ARHGAP44: variants seen among roughly 807,000 people sequenced by gnomAD.
The protein encoded by ARHGAP44 is rho GTPase-activating protein 44.
In ARHGAP44, 43 loss-of-function variants were observed where a neutral mutation model predicts 106.8. That is an observed-to-expected ratio of 0.40 (90% CI 0.32 to 0.52). The LOEUF (loss-of-function observed/expected upper bound fraction) is 0.52, where lower values mean the gene tolerates loss of function less well. Among genes scored for constraint, ARHGAP44 ranks in the 20% least tolerant of loss-of-function variants. The pLI, the probability that ARHGAP44 is intolerant of heterozygous loss-of-function variation, is 0.48. For missense variants in ARHGAP44, 866 were observed against 1,050.5 expected (o/e 0.82, Z 2.43); for synonymous variants, 439 against 410.3 (o/e 1.07, Z -0.85).
Position 12,990,227 on chromosome 17 carries a change from C to G in ARHGAP44, c.*56C>G, listed in dbSNP as rs1032764128. The stretch of plus-strand genomic sequence containing the variant: ...CATACATCACGGGCCCTAGGAACGC[C>G]GCCAGGAGCAGCGTCCATGAGCTTG... On this transcript the variant is annotated 3_prime_UTR_variant, in exon 21 of 21. Transcript: ENST00000379672. The G allele has an allele frequency of 6.4e-7, 1 of 1,567,972 alleles. No individual in the cohort carries two copies. Among genetic ancestry groups the G allele is most frequent in the Non-Finnish European group, 8.7e-7 (1 of 1,147,714 alleles).
chr17:12,917,070 C>G (rs1407898637), intron 5 of ARHGAP44, among the ~76,000 whole-genome samples: 2 of 152,198 alleles, frequency 1.3e-5, no homozygotes. Context: ...CCAAATATTT[C>G]TGGTCCCAAG....
chr17:12,878,032 C>G (rs1666926922), intron 1 of ARHGAP44, among the ~76,000 whole-genome samples: 1 of 152,190 alleles, frequency 6.6e-6, no homozygotes, highest in Non-Finnish European at 1.5e-5. Flanking sequence ...TGGTGTTCAT[C>G]CACACCTCAG....
intron 1 of ARHGAP44, among the ~76,000 whole-genome samples, chr17:12,858,622 A>G (rs1383375649): frequency 1.3e-5 from 2 of 152,180 alleles, no homozygotes; most frequent in Admixed American, 6.5e-5. Flanking sequence ...GCTGAATTGT[A>G]TCTCCCCTAG....
intron 16 of ARHGAP44, among the ~76,000 whole-genome samples, chr17:12,959,700 G>A (rs113798060): frequency 2.4e-4 from 36 of 152,234 alleles, no homozygotes; most frequent in African/African-American, 8.4e-4. Flanking sequence ...GGAGGGGATC[G>A]TCTTGGTTGG....
chr17:12,982,818 T>C (rs1259410983), intron 19 of ARHGAP44: 3 of 152,140 alleles, frequency 2.0e-5, no homozygotes, highest in Non-Finnish European at 4.4e-5. Flanking sequence ...GGGCATGTCC[T>C]TCTGTCCACA....
At chr17:12,989,569 TTC>T (rs1469673029) in intron 20 of ARHGAP44, among the ~76,000 whole-genome samples, 1 of 152,168 alleles carries the variant, frequency 6.6e-6, no homozygotes, top group Non-Finnish European at 1.5e-5. Context: ...ATGCAGCTGT[TTC>T]TTAGAGTGAG....
At chr17:12,929,109 T>A in intron 7 of ARHGAP44, 63 bp downstream of exon 7, 1 of 1,439,934 alleles carries the variant, frequency 6.9e-7, no homozygotes. Flanking sequence ...GATTCCCTTT[T>A]TGTTCACTGG....
At position 12,991,259 on chromosome 17, in the gene ARHGAP44, T is replaced by C. The variant is rs568321673; in HGVS notation, c.*1088T>C. Reference sequence around the variant, plus strand: ...GGGGAGTGAGAAAAGATTTGGGCCATGCATGCAAAGTCAAAGTTTAAAATT... The same window carrying C: ...GGGGAGTGAGAAAAGATTTGGGCCACGCATGCAAAGTCAAAGTTTAAAATT... On this transcript the variant is annotated 3_prime_UTR_variant, in exon 21 of 21. Coordinates refer to ENST00000379672, the MANE Select transcript of ARHGAP44 (RefSeq NM_014859.6). 6.9e-4 allele frequency: 105 copies of C among 152,758 alleles called. No homozygotes were observed. Among genetic ancestry groups the C allele is most frequent in the African/African-American group, 2.5e-3 (103 of 41,574 alleles). 9.5% of individuals were successfully genotyped at this position (152,758 alleles called of 1,614,324 possible). A position where few individuals can be genotyped will look rare whatever the true frequency, so the allele number is the denominator to read the frequency against.
chr17:12,877,712 TGCACCCCA>T (rs1214755851), intron 1 of ARHGAP44, among the ~76,000 whole-genome samples: 2 of 151,300 alleles, frequency 1.3e-5, no homozygotes, highest in Admixed American at 1.3e-4. Context: ...ATCGCGCCAC[TGCACCCCA>T]GCCTGGGTGA....
chr17:12,978,258 C>G (rs1567721257), intron 18 of ARHGAP44, among the ~76,000 whole-genome samples: 1 of 152,134 alleles, frequency 6.6e-6, no homozygotes, highest in Non-Finnish European at 1.5e-5. Context: ...AGATATTTGG[C>G]ATTGATGCCC....
At chr17:12,814,983 C>T (rs2034555515) in intron 1 of ARHGAP44, among the ~76,000 whole-genome samples, 1 of 152,172 alleles carries the variant, frequency 6.6e-6, no homozygotes, top group African/African-American at 2.4e-5. Context: ...TCCCGACTCT[C>T]CTCACCTTCT....
chr17:12,909,966 G>A (rs1245836411), intron 4 of ARHGAP44, among the ~76,000 whole-genome samples: 2 of 152,124 alleles, frequency 1.3e-5, no homozygotes, highest in Non-Finnish European at 2.9e-5. Context: ...CTATAAAATA[G>A]CAATTAAACT....
chr17:12,929,169 C>G, intron 7 of ARHGAP44, 123 bp downstream of exon 7: 2 of 884,700 alleles, frequency 2.3e-6, no homozygotes, highest in Non-Finnish European at 3.5e-6. Context: ...TGAATGTCCC[C>G]AAGCCCGCCG....
At chr17:12,793,028 C>T (rs529797352) in intron 1 of ARHGAP44, among the ~76,000 whole-genome samples, 1 of 152,344 alleles carries the variant, frequency 6.6e-6, no homozygotes, top group South Asian at 2.1e-4. Context: ...GAAGCACTCC[C>T]TGGCCACTGT....
chr17:12,867,861 G>A (rs745525031), intron 1 of ARHGAP44, among the ~76,000 whole-genome samples: 2 of 152,164 alleles, frequency 1.3e-5, no homozygotes, highest in African/African-American at 2.4e-5. Context: ...AGCACCTAAC[G>A]TATAAGAAAC....
At chr17:12,801,157 T>A (rs1305086864) in intron 1 of ARHGAP44, among the ~76,000 whole-genome samples, 1 of 152,250 alleles carries the variant, frequency 6.6e-6, no homozygotes, top group African/African-American at 2.4e-5. Context: ...TGTAACACAT[T>A]AACCAAACAA....
At position 12,876,909 on chromosome 17, in the gene ARHGAP44, CAA is replaced by C. The variant is rs59331390; in HGVS notation, c.54-18013_54-18012del. 3.6e-3 allele frequency among the ~76,000 whole-genome samples: 327 copies of C among 90,660 alleles called. 1 individual carries two copies. The highest frequency in any genetic ancestry group is 9.5e-3 in the African/African-American group (243 of 25,556). The allele number at this position is 90,660 out of a possible 152,430, so 59.5% of individuals were successfully genotyped here. On this transcript the variant is annotated intron_variant, in intron 1 of 20. Transcript: ENST00000379672. ...CTGGTGACAGAGTGAGACTCCGTCT[CAA>C]AAAAAAAAAAAAAAAAAGAAGAAAA...
chr17:12,873,599 G>T (rs2036463730), intron 1 of ARHGAP44, among the ~76,000 whole-genome samples: 1 of 152,190 alleles, frequency 6.6e-6, no homozygotes, highest in Non-Finnish European at 1.5e-5. Flanking sequence ...GAAACCACCA[G>T]CTGGGCGCAA....
chr17:12,802,674 C>T (rs1008764954), intron 1 of ARHGAP44, among the ~76,000 whole-genome samples: 5 of 151,544 alleles, frequency 3.3e-5, no homozygotes, highest in Non-Finnish European at 5.9e-5. Flanking sequence ...AAAGACCCCA[C>T]CTTGATCGAT....
Sources: gnomAD v4.1 joint callset for allele counts (sites outside exome capture counted in the v4.1 genomes callset) on GRCh38, gnomAD v4.1.1 for gene constraint, MANE v1.5 for transcripts, NCBI Gene and HGNC (gene_info 2026-07-23, HGNC 2026-07-21) for gene names.